The following SGSM1 variants were observed in gnomAD, a reference collection of about 807,000 sequenced individuals.
The protein encoded by SGSM1 is small G protein signaling modulator 1, also known as RUN and TBC1 domain containing 2.
SGSM1 carries 73 observed loss-of-function variants against 133.8 expected under a neutral mutation model. The ratio of observed to expected loss-of-function variants is 0.55; its 90% CI spans 0.45 to 0.66. SGSM1 has a LOEUF of 0.66. SGSM1 is among the 30% of genes least tolerant of loss of function. The probability of loss-of-function intolerance (pLI) is 0.00; values close to 1 mark genes in which losing one functional copy is unlikely to be tolerated. For missense variants in SGSM1, 1,213 were observed against 1,448.1 expected (o/e 0.84, Z 2.64); for synonymous variants, 563 against 573.0 (o/e 0.98, Z 0.25).
chr22:24,818,239 A>T (rs1223333829), intron 2 of SGSM1, among the ~76,000 whole-genome samples: 4 of 148,024 alleles, frequency 2.7e-5, no homozygotes, highest in Non-Finnish European at 4.5e-5. Flanking sequence ...CTCAAAAAAA[A>T]AAAAAATAAA....
chr22:24,839,864 CT>C (rs1007041298), intron 2 of SGSM1, among the ~76,000 whole-genome samples: 2 of 144,466 alleles, frequency 1.4e-5, no homozygotes, highest in Non-Finnish European at 3.0e-5. Context: ...TTTGAGAATT[CT>C]TTTTTTTCTT....
chr22:24,905,442 A>C (rs1477552463), intron 21 of SGSM1, among the ~76,000 whole-genome samples: 5 of 143,224 alleles, frequency 3.5e-5, no homozygotes, highest in African/African-American at 1.2e-4. Flanking sequence ...CAAACAAAAC[A>C]AAAAACAAAC....
Position 24,917,772 on chromosome 22 carries a change from G to A in SGSM1, c.3025+18G>A, listed in dbSNP as rs1472960624. ...CAAGCGAGGTACAGACTTTAAATTG[G>A]GGACCTGTGTCCAGACTCTTTGTAG... is the stretch of plus-strand genomic sequence containing the variant. On this transcript the variant is annotated intron_variant, in intron 23 of 24. Coordinates refer to ENST00000400358, the MANE Select transcript of SGSM1 (RefSeq NM_001098497.3). 1 of 1,603,560 alleles carries A rather than the reference G, an allele frequency of 6.2e-7. No homozygotes were observed. Among genetic ancestry groups the A allele is most frequent in the Non-Finnish European group, 8.5e-7 (1 of 1,171,516 alleles).
chr22:24,863,770 T>C (rs1044990493), intron 9 of SGSM1, among the ~76,000 whole-genome samples: 6 of 150,918 alleles, frequency 4.0e-5, no homozygotes, highest in Non-Finnish European at 7.4e-5. Flanking sequence ...AGATGGAGTT[T>C]CGCTCTTGTG....
chr22:24,870,106 C>T (rs994745158), intron 12 of SGSM1, among the ~76,000 whole-genome samples: 22 of 152,214 alleles, frequency 1.4e-4, no homozygotes, highest in Admixed American at 6.5e-5. Context: ...AGATGTCCTC[C>T]TGGACAAGGC....
intron 2 of SGSM1, among the ~76,000 whole-genome samples, chr22:24,807,307 G>A (rs1927463867): frequency 6.7e-6 from 1 of 149,738 alleles, no homozygotes; most frequent in African/African-American, 2.5e-5. Context: ...GTGAGTGTGT[G>A]CGTATGAGAA....
At chr22:24,908,894 T>TAATACGCAAATGGCC (rs1555937818) in intron 21 of SGSM1, among the ~76,000 whole-genome samples, 1 of 152,004 alleles carries the variant, frequency 6.6e-6, no homozygotes, top group Non-Finnish European at 1.5e-5. Context: ...TGCAAATGGC[T>TAATACGCAAATGGCC]AATATGCAAA....
At position 24,912,954 on chromosome 22, in the gene SGSM1, C is replaced by A. The variant is rs963750841; in HGVS notation, c.2928+202C>A. Among the ~76,000 whole-genome samples, 7 of 152,070 alleles carry A rather than the reference C, an allele frequency of 4.6e-5. No homozygotes were observed. In the South Asian group the frequency reaches 1.0e-3, roughly 23 times the overall value. On this transcript the variant is annotated intron_variant, in intron 22 of 24. Transcript: ENST00000400358. ...AATAGGTTTTCTCACTTATATGAGT[C>A]CCAATAAATTATTAGAATTATCATG...
intron 2 of SGSM1, among the ~76,000 whole-genome samples, chr22:24,820,830 C>T (rs1250299814): frequency 6.6e-6 from 1 of 152,220 alleles, no homozygotes; most frequent in Non-Finnish European, 1.5e-5. Context: ...TCCCTGCCTT[C>T]AGCCTAGAGG....
At chr22:24,806,584 G>A (rs926061068) in intron 2 of SGSM1, 100 bp downstream of exon 2, 29 of 1,398,006 alleles carry the variant, frequency 2.1e-5, no homozygotes, top group African/African-American at 3.0e-5. Context: ...CGGCGGGGGG[G>A]CGGCCAGAAC....
chr22:24,832,433 C>G (rs1176593240), intron 2 of SGSM1, among the ~76,000 whole-genome samples: 1 of 152,172 alleles, frequency 6.6e-6, no homozygotes, highest in Non-Finnish European at 1.5e-5. Context: ...CATTTCTGCC[C>G]ACTATTTACT....
chr22:24,886,788 G>A, intron 16 of SGSM1, 60 bp downstream of exon 16: 1 of 1,518,470 alleles, frequency 6.6e-7, no homozygotes, highest in Non-Finnish European at 8.9e-7. Flanking sequence ...GATACTGTGG[G>A]GCTGGGGAGT....
chr22:24,820,131 G>A (rs1417191847), intron 2 of SGSM1, among the ~76,000 whole-genome samples: 2 of 152,194 alleles, frequency 1.3e-5, no homozygotes, highest in Admixed American at 6.5e-5. Flanking sequence ...GGGGATAGAA[G>A]GAGGCTGGGG....
At chr22:24,914,472 TCC>T (rs34620582) in intron 22 of SGSM1, among the ~76,000 whole-genome samples, 50,328 of 146,490 alleles carry the variant, frequency 0.34, 8,861 homozygotes, top group East Asian at 0.57. Flanking sequence ...CGAGACTCTG[TCC>T]CCCCCCCCAA....
At chr22:24,887,158 C>CCT (rs56728576) in intron 16 of SGSM1, among the ~76,000 whole-genome samples, 1 of 140,744 alleles carries the variant, frequency 7.1e-6, no homozygotes, top group African/African-American at 2.6e-5. Flanking sequence ...AGTTTTCTCA[C>CCT]GTGTAGATCT....
chr22:24,858,551 A>G (rs73155765), intron 8 of SGSM1, among the ~76,000 whole-genome samples: 1,750 of 150,180 alleles, frequency 0.012, 11 homozygotes, highest in South Asian at 0.031. Context: ...CAGAAGAATC[A>G]CCTAAATCCG....
chr22:24,831,171 C>A (rs932605658), intron 2 of SGSM1, among the ~76,000 whole-genome samples: 9 of 151,830 alleles, frequency 5.9e-5, no homozygotes, highest in African/African-American at 1.9e-4. Context: ...CTCTTAGGAT[C>A]AACACCAGGA....
intron 2 of SGSM1, among the ~76,000 whole-genome samples, chr22:24,829,066 G>C (rs6004303): frequency 0.35 from 53,680 of 151,562 alleles, 9,696 homozygotes; most frequent in African/African-American, 0.37. Context: ...CATGGTGGCG[G>C]GCGCCTGTAG....
At chr22:24,839,909 G>T (rs1437483982) in intron 2 of SGSM1, among the ~76,000 whole-genome samples, 2 of 143,162 alleles carry the variant, frequency 1.4e-5, no homozygotes, top group South Asian at 2.3e-4. Context: ...CAGTTTTGTC[G>T]ATCTTTTGGA....
Sources: gnomAD v4.1 joint callset for allele counts (sites outside exome capture counted in the v4.1 genomes callset) on GRCh38, gnomAD v4.1.1 for gene constraint, MANE v1.5 for transcripts, NCBI Gene and HGNC (gene_info 2026-07-23, HGNC 2026-07-21) for gene names.